Variants in GRID2 observed in about 807,000 individuals in gnomAD.
GRID2 encodes glutamate ionotropic receptor delta type subunit 2, also known as glutamate receptor ionotropic, delta-2.
In GRID2, 33 loss-of-function variants were observed where a neutral mutation model predicts 114.8. That is an observed-to-expected ratio of 0.29 (90% CI 0.22 to 0.38). The LOEUF is 0.38. Ranked by LOEUF, GRID2 falls within the 10% of genes least tolerant of loss-of-function variation. GRID2 has a pLI of 1.00. For missense variants in GRID2, 1,184 were observed against 1,257.7 expected, an observed-to-expected ratio of 0.94 and a Z score of 0.89; for synonymous variants, 505 against 449.9, an observed-to-expected ratio of 1.12 and a Z score of -1.55.
chr4:93,051,713 C>T (rs1157587327), intron 2 of GRID2, among the ~76,000 whole-genome samples: 2 of 151,942 alleles, frequency 1.3e-5, no homozygotes, highest in Non-Finnish European at 2.9e-5. Flanking sequence ...AAGAAGATCA[C>T]TAATTGATTG....
chr4:93,553,173 G>A (rs1036235109), intron 13 of GRID2, among the ~76,000 whole-genome samples: 25 of 152,274 alleles, frequency 1.6e-4, no homozygotes, highest in African/African-American at 6.0e-4. Context: ...GAGTCAAGTG[G>A]TACTTCTAGT....
chr4:93,013,945 T>C (rs2149236011), intron 2 of GRID2, among the ~76,000 whole-genome samples: 1 of 152,006 alleles, frequency 6.6e-6, no homozygotes, highest in East Asian at 1.9e-4. Flanking sequence ...TTGAATAATA[T>C]TTACCTGGTT....
At chr4:92,593,538 G>T (rs188991413) in intron 2 of GRID2, among the ~76,000 whole-genome samples, 8 of 151,934 alleles carry the variant, frequency 5.3e-5, no homozygotes, top group African/African-American at 1.9e-4. Context: ...TAGAAAATGA[G>T]TTTCTAGACA....
At chr4:93,506,443 T>C (rs1728636529) in intron 12 of GRID2, among the ~76,000 whole-genome samples, 1 of 152,140 alleles carries the variant, frequency 6.6e-6, no homozygotes. Flanking sequence ...CTGGTGGCTA[T>C]TTAAACAGTT....
intron 2 of GRID2, among the ~76,000 whole-genome samples, chr4:92,729,233 G>A (rs1736212169): frequency 6.6e-6 from 1 of 151,854 alleles, no homozygotes; most frequent in African/African-American, 2.4e-5. Context: ...ATAAACCATT[G>A]GCTTCACCAT....
At chr4:93,105,036 A>T (rs1283831896) in intron 3 of GRID2, among the ~76,000 whole-genome samples, 1 of 151,604 alleles carries the variant, frequency 6.6e-6, no homozygotes, top group African/African-American at 2.4e-5. Flanking sequence ...TGTGGTTTTG[A>T]TTTGCATTTC....
At chr4:93,239,138 AAT>A (rs991640917) in intron 8 of GRID2, among the ~76,000 whole-genome samples, 3 of 142,334 alleles carry the variant, frequency 2.1e-5, no homozygotes, top group African/African-American at 7.7e-5. Context: ...ATATATATCA[AAT>A]ATATATATAT....
intron 2 of GRID2, among the ~76,000 whole-genome samples, chr4:92,770,389 A>C (rs954860330): frequency 6.6e-6 from 1 of 152,104 alleles, no homozygotes; most frequent in Non-Finnish European, 1.5e-5. Context: ...TGAGCCCTCC[A>C]AACTGTTCCA....
At position 93,311,506 on chromosome 4, in the gene GRID2, C is replaced by T. The variant is rs549071109; in HGVS notation, c.1245+73016C>T. On this transcript the variant is annotated intron_variant, in intron 8 of 15. Coordinates refer to ENST00000282020, the MANE Select transcript of GRID2 (RefSeq NM_001510.4). Reference sequence around the variant, plus strand: ...AGCCTTTGGAATTCTCAAGCAAACACGTAGTTAGATATATGTATAGCAAGA... The same window carrying T: ...AGCCTTTGGAATTCTCAAGCAAACATGTAGTTAGATATATGTATAGCAAGA... Among the ~76,000 whole-genome samples the T allele has an allele frequency of 7.2e-4, 110 of 151,980 alleles. 2 individuals are homozygous for T. In the South Asian group the frequency reaches 0.022, roughly 30 times the overall value.
At chr4:93,463,016 A>C (rs2149422698) in intron 11 of GRID2, among the ~76,000 whole-genome samples, 1 of 152,208 alleles carries the variant, frequency 6.6e-6, no homozygotes, top group East Asian at 1.9e-4. Context: ...AGCTCTCCAT[A>C]ATTTTTATTT....
At chr4:93,261,687 A>G (rs1415894776) in intron 8 of GRID2, among the ~76,000 whole-genome samples, 3 of 151,806 alleles carry the variant, frequency 2.0e-5, no homozygotes, top group African/African-American at 7.2e-5. Flanking sequence ...TAACAGAGGA[A>G]TTTGTATAGG....
At chr4:93,421,101 G>C (rs934508631) in intron 9 of GRID2, among the ~76,000 whole-genome samples, 1 of 152,082 alleles carries the variant, frequency 6.6e-6, no homozygotes, top group Non-Finnish European at 1.5e-5. Context: ...TCAGTGTCAG[G>C]GACATAGACT....
intron 8 of GRID2, among the ~76,000 whole-genome samples, chr4:93,363,642 A>G (rs2149278731): frequency 6.6e-6 from 1 of 152,212 alleles, no homozygotes; most frequent in African/African-American, 2.4e-5. Context: ...CATAGAACAT[A>G]TGAATTTTGT....
chr4:93,807,765 G>A (rs962563675), exon 2 of GRID2: 2 of 152,132 alleles, frequency 1.3e-5, no homozygotes, highest in African/African-American at 4.8e-5. Flanking sequence ...AAATATCCCA[G>A]CCCCTCATGA....
intron 1 of GRID2, among the ~76,000 whole-genome samples, chr4:93,796,052 A>G (rs1734793959): frequency 6.6e-6 from 1 of 152,092 alleles, no homozygotes; most frequent in South Asian, 2.1e-4. Context: ...CTATTCTCTT[A>G]CTGGCTATTG....
intron 1 of GRID2, among the ~76,000 whole-genome samples, chr4:92,376,243 G>C (rs1190095841): frequency 1.3e-5 from 2 of 152,032 alleles, no homozygotes; most frequent in Non-Finnish European, 2.9e-5. Flanking sequence ...CCGGGAGGCA[G>C]AGGTTGCAGT....
chr4:92,766,825 G>C (rs1465850712), intron 2 of GRID2, among the ~76,000 whole-genome samples: 2 of 152,126 alleles, frequency 1.3e-5, no homozygotes, highest in Non-Finnish European at 2.9e-5. Context: ...TATCAGTGGG[G>C]TTAATACCTG....
intron 2 of GRID2, among the ~76,000 whole-genome samples, chr4:92,734,804 T>C (rs558033879): frequency 3.5e-4 from 52 of 150,322 alleles, no homozygotes; most frequent in African/African-American, 1.2e-3. Flanking sequence ...TCTGGAGACA[T>C]GTCTTGTTCT....
intron 14 of GRID2, among the ~76,000 whole-genome samples, chr4:93,646,772 T>C (rs28558140): frequency 0.16 from 24,430 of 151,988 alleles, 4,623 homozygotes; most frequent in African/African-American, 0.46. Flanking sequence ...AGGTCTCTCA[T>C]AGCTGTGAAA....
Sources: allele counts gnomAD v4.1 joint callset (sites outside exome capture counted in the v4.1 genomes callset), GRCh38; gene constraint gnomAD v4.1.1; transcripts MANE v1.5; gene names NCBI Gene and HGNC (gene_info 2026-07-23, HGNC 2026-07-21).